The following EPHB2 variants were observed in gnomAD, a reference collection of about 807,000 sequenced individuals.
The protein encoded by EPHB2 is EPH receptor B2.
Under a neutral mutation model 96.4 loss-of-function variants are expected in EPHB2, and 18 were observed. The ratio of observed to expected loss-of-function variants is 0.19; its 90% confidence interval spans 0.13 to 0.28. The LOEUF (loss-of-function observed/expected upper bound fraction) is 0.28, where lower values mean the gene tolerates loss of function less well. Ranked by LOEUF, EPHB2 falls within the 10% of genes least tolerant of loss-of-function variation. The pLI, the probability that EPHB2 is intolerant of heterozygous loss-of-function variation, is 1.00. For synonymous variants in EPHB2, 506 were observed against 534.1 expected, an observed-to-expected ratio of 0.95 and a Z score of 0.72; for missense variants, 989 against 1,355.4, an observed-to-expected ratio of 0.73 and a Z score of 4.25.
At position 22,784,503 on chromosome 1, in the gene EPHB2, C is replaced by T. The variant is rs1644579485; in HGVS notation, c.238C>T (p.Arg80Cys). Reference sequence around the variant, plus strand: ...CTGGCTACGGACCAAGTTTATCCGGCGCCGTGGCGCCCACCGCATCCACGT... The same window carrying T: ...CTGGCTACGGACCAAGTTTATCCGGTGCCGTGGCGCCCACCGCATCCACGT... Reference protein sequence around the residue: ...NNWLRTKFIRRRGAHRIHVEM... With the variant: ...NNWLRTKFIRCRGAHRIHVEM... The change falls in exon 3 of 16, where the codon CGC becomes TGC. Residue 80 changes from arginine to cysteine, a missense_variant. Physicochemically the swap from Arg to Cys is radical, Grantham distance 180. Coordinates refer to ENST00000374630, the MANE Select transcript of EPHB2 (RefSeq NM_017449.5). This position sits in a 1 kb window ranked among gnomAD's most constrained non-coding sequence, Gnocchi z 5.1. 3.1e-6 allele frequency: 5 copies of T among 1,613,606 alleles called. No individual in the cohort carries two copies. The highest frequency in any genetic ancestry group is 2.2e-5 in the East Asian group (1 of 44,860).
intron 4 of EPHB2, 33 bp from the exon 5 acceptor site, chr1:22,864,844 C>A: frequency 6.9e-7 from 1 of 1,441,492 alleles, no homozygotes; most frequent in Non-Finnish European, 9.6e-7. Context: ...CCCCCTGAGC[C>A]CCCCACTGAC....
At chr1:22,854,813 C>T (rs771965839) in intron 3 of EPHB2, among the ~76,000 whole-genome samples, 11 of 152,186 alleles carry the variant, frequency 7.2e-5, no homozygotes, top group Non-Finnish European at 1.6e-4. Context: ...GACCAGGCAT[C>T]ATGCCCAGCC....
At chr1:22,776,684 G>A (rs1002390439) in intron 1 of EPHB2, among the ~76,000 whole-genome samples, 30 of 152,310 alleles carry the variant, frequency 2.0e-4, no homozygotes, top group African/African-American at 7.0e-4. Context: ...TCATGATTAC[G>A]CTTTTTCCTC....
chr1:22,790,130 T>G lies in EPHB2; in HGVS notation c.811+5054T>G. On this transcript the variant is annotated intron_variant, in intron 3 of 15. Transcript: ENST00000374630. This position sits in a 1 kb window ranked among gnomAD's most constrained non-coding sequence, Gnocchi z 4.0. ...TTTGAATTAGGCCTTGAAGAGTGAG[T>G]AGGATTTGGATGGGTGAAGGTAGGG... Among the ~76,000 whole-genome samples, 1 of 150,490 alleles carries G rather than the reference T, an allele frequency of 6.6e-6. No homozygotes were observed. Among genetic ancestry groups the G allele is most frequent in the South Asian group, 2.1e-4 (1 of 4,742 alleles).
intron 3 of EPHB2, among the ~76,000 whole-genome samples, chr1:22,851,889 T>C (rs1173116940): frequency 6.6e-6 from 1 of 152,210 alleles, no homozygotes; most frequent in Non-Finnish European, 1.5e-5. Flanking sequence ...GGTCTCCAGC[T>C]TGGGGGCATC....
rs557153094 is a variant in EPHB2, at chr1:22,913,624, C to T, written c.*54C>T. 28 of 1,609,102 alleles carry T rather than the reference C, an allele frequency of 1.7e-5. No individual in the cohort carries two copies. The highest frequency in any genetic ancestry group is 1.2e-4 in the African/African-American group (9 of 74,998). On this transcript the variant is annotated 3_prime_UTR_variant, in exon 16 of 16. Coordinates refer to ENST00000374630, the MANE Select transcript of EPHB2 (RefSeq NM_017449.5). This position sits in a 1 kb window ranked among gnomAD's most constrained non-coding sequence, Gnocchi z 4.1. ...TCCAAGCCCCGCCCCCTCTGCCCCA[C>T]GTGCCGGCCCTCCTGGTGCTCTATC...
intron 1 of EPHB2, among the ~76,000 whole-genome samples, chr1:22,717,931 A>G (rs28655115): frequency 6.6e-6 from 1 of 152,116 alleles, no homozygotes. Flanking sequence ...AAATGGGGGT[A>G]ATCATTGTTC....
intron 1 of EPHB2, among the ~76,000 whole-genome samples, chr1:22,727,808 A>AC (rs201900898): frequency 3.3e-5 from 5 of 150,084 alleles, no homozygotes; most frequent in African/African-American, 1.2e-4. Context: ...AAAAAAAAAA[A>AC]AACTTTTTTT....
chr1:22,915,791 G>A lies in EPHB2; in HGVS notation c.*2221G>A, dbSNP rs182184786. Reference sequence around the variant, plus strand: ...TCCACGTGGCAGGAGGAGGCAGGGAGATGGATGTGCCATGGATATCGGGTC... The same window carrying A: ...TCCACGTGGCAGGAGGAGGCAGGGAAATGGATGTGCCATGGATATCGGGTC... On this transcript the variant is annotated 3_prime_UTR_variant, in exon 16 of 16. Coordinates refer to ENST00000374630, the MANE Select transcript of EPHB2 (RefSeq NM_017449.5). 47 of 152,492 alleles carry A rather than the reference G, an allele frequency of 3.1e-4. No individual in the cohort carries two copies. The highest frequency in any genetic ancestry group is 2.5e-3 in the East Asian group (13 of 5,186). The allele number at this position is 152,492 out of a possible 1,614,324, so 9.4% of individuals were successfully genotyped here.
intron 6 of EPHB2, among the ~76,000 whole-genome samples, chr1:22,885,187 C>CA (rs1639184828): frequency 6.6e-6 from 1 of 151,754 alleles, no homozygotes; most frequent in South Asian, 2.1e-4. Flanking sequence ...CTGCTCCCCG[C>CA]AGCAGGAATA....
At chr1:22,831,453 T>A (rs1043276396) in intron 3 of EPHB2, among the ~76,000 whole-genome samples, 1 of 152,150 alleles carries the variant, frequency 6.6e-6, no homozygotes, top group Non-Finnish European at 1.5e-5. Flanking sequence ...GCCTACTGTG[T>A]GCCAGGCAGC....
intron 3 of EPHB2, among the ~76,000 whole-genome samples, chr1:22,839,889 C>A (rs971348968): frequency 6.6e-6 from 1 of 152,172 alleles, no homozygotes; most frequent in Non-Finnish European, 1.5e-5. Context: ...ACCTATCGTA[C>A]CCTACACTCC....
At chr1:22,830,509 G>A (rs771908652) in intron 3 of EPHB2, among the ~76,000 whole-genome samples, 7 of 152,122 alleles carry the variant, frequency 4.6e-5, no homozygotes, top group Non-Finnish European at 8.8e-5. Context: ...TCCCTCACAG[G>A]GCCACCAGGA....
chr1:22,864,747 G>C (rs997595987), intron 4 of EPHB2, 130 bp from the exon 5 acceptor site: 1 of 622,744 alleles, frequency 1.6e-6, no homozygotes, highest in African/African-American at 1.8e-5. Flanking sequence ...TTCTCTGGTG[G>C]GGAGACAGGA....
In EPHB2 at chr1:22,873,774, A is replaced by C. The variant is rs149638196; in HGVS notation, c.1303+8562A>C. ...ACATCCATGTCTCAGGTTGCAGTGG[A>C]AGGAGGGTGAGAAGGGTAGGGCCCT... On this transcript the variant is annotated intron_variant, in intron 5 of 15. Coordinates refer to ENST00000374630, the MANE Select transcript of EPHB2 (RefSeq NM_017449.5). Among the ~76,000 whole-genome samples, 20 of 152,268 alleles carry C rather than the reference A, an allele frequency of 1.3e-4. No individual in the cohort carries two copies. In the East Asian group the frequency reaches 3.9e-3, roughly 29 times the overall value.
At chr1:22,731,167 G>A (rs1643701853) in intron 1 of EPHB2, among the ~76,000 whole-genome samples, 1 of 152,192 alleles carries the variant, frequency 6.6e-6, no homozygotes, top group African/African-American at 2.4e-5. Context: ...AATTGATAAT[G>A]TATTGACAAT....
In EPHB2 at chr1:22,784,701, A is replaced by G; in HGVS notation, c.436A>G (p.Ser146Gly). 1 of 1,613,840 alleles carries G rather than the reference A, an allele frequency of 6.2e-7. No homozygotes were observed. The highest frequency in any genetic ancestry group is 8.5e-7 in the Non-Finnish European group (1 of 1,179,994). The part of the protein sequence containing the change: ...VKVDTIAADE[S>G]FSQVDLGGRV... The stretch of plus-strand genomic sequence containing the variant: ...GGTGGATACCATTGCAGCCGACGAG[A>G]GCTTCTCCCAGGTGGACCTGGGTGG... The change falls in exon 3 of 16, where the codon AGC (serine) becomes GGC (glycine). Residue 146 changes from serine (S) to glycine (G), a missense_variant. Physicochemically the swap from Ser to Gly is moderately conservative, Grantham distance 56. Coordinates refer to ENST00000374630, the MANE Select transcript of EPHB2 (RefSeq NM_017449.5). This position sits in a 1 kb window ranked among gnomAD's most constrained non-coding sequence, Gnocchi z 5.1.
chr1:22,777,590 T>G (rs1309615476), intron 1 of EPHB2, among the ~76,000 whole-genome samples: 1 of 152,214 alleles, frequency 6.6e-6, no homozygotes, highest in Non-Finnish European at 1.5e-5. Flanking sequence ...ATTTGACTTT[T>G]GTGCTTAGTT....
In EPHB2 at chr1:22,910,250, G is replaced by A. The variant is rs2124127586; in HGVS notation, c.2503-132G>A. 13 of 1,147,104 alleles carry A rather than the reference G, an allele frequency of 1.1e-5. No homozygotes were observed. The South Asian group carries it at 1.6e-4, about 14-fold the overall frequency. The allele number at this position is 1,147,104 out of a possible 1,614,324, so 71.1% of individuals were successfully genotyped here. A position where few individuals can be genotyped will look rare whatever the true frequency, so the allele number is the denominator to read the frequency against. ...CATCCCATCCCTGGGGCTGCCTCCA[G>A]GAGGTGAAAGTGGTTGCCACAGCAA... On this transcript the variant is annotated intron_variant, in intron 13 of 15. Transcript: ENST00000374630.
Sources: gnomAD v4.1 joint callset for allele counts (sites outside exome capture counted in the v4.1 genomes callset) on GRCh38, gnomAD v4.1.1 for gene constraint, Gnocchi (gnomAD v3.1) non-coding constraint, MANE v1.5 for transcripts, NCBI Gene and HGNC (gene_info 2026-07-23, HGNC 2026-07-21) for gene names.